Variants in MAPKBP1 observed in about 807,000 individuals in gnomAD.
MAPKBP1 encodes the protein mitogen-activated protein kinase binding protein 1.
Under a neutral mutation model 170.5 loss-of-function variants are expected in MAPKBP1, and 71 were observed. That is an observed-to-expected ratio of 0.42 (90% CI 0.34 to 0.51). The LOEUF (loss-of-function observed/expected upper bound fraction) is 0.51. Among genes scored for constraint, MAPKBP1 ranks in the 20% least tolerant of loss-of-function variants. MAPKBP1 has a pLI of 0.06. For synonymous variants in MAPKBP1, 719 were observed against 757.9 expected (o/e 0.95, Z 0.84); for missense variants, 1,598 against 1,933.0 (o/e 0.83, Z 3.25).
chr15:41,798,576 C>T lies in MAPKBP1; in HGVS notation c.115-1247C>T, dbSNP rs529113247. 3.9e-5 allele frequency among the ~76,000 whole-genome samples: 6 copies of T among 152,154 alleles called. No homozygotes were observed. In the South Asian group the frequency reaches 1.2e-3, roughly 32 times the overall value. The stretch of plus-strand genomic sequence containing the variant: ...GGGATTACAGGCGTGAGCAATTGTA[C>T]CTGGCCCCTCTAGGAGTACTTTTAA... On this transcript the variant is annotated intron_variant, in intron 2 of 30. Coordinates refer to ENST00000457542, the MANE Select transcript of MAPKBP1 (RefSeq NM_014994.3).
chr15:41,814,205 G>A (rs752656995), intron 9 of MAPKBP1, among the ~76,000 whole-genome samples: 1 of 152,192 alleles, frequency 6.6e-6, no homozygotes, highest in Non-Finnish European at 1.5e-5. Context: ...TGGGAAAGGC[G>A]GTGTTTGGTC....
At chr15:41,792,161 T>C (rs1567138071) in intron 2 of MAPKBP1, among the ~76,000 whole-genome samples, 1 of 151,024 alleles carries the variant, frequency 6.6e-6, no homozygotes, top group Non-Finnish European at 1.5e-5. Context: ...TTCCATCTAC[T>C]TTAATGAGAG....
chr15:41,781,391 G>GT lies in MAPKBP1; in HGVS notation c.114+6009dup, dbSNP rs1202872798. Reference sequence around the variant, plus strand: ...CCTATTTGGTAAAACAATGCTGTGGGTTTTTTTGTTTTTTTTTTTTTCTTG... The same window carrying GT: ...CCTATTTGGTAAAACAATGCTGTGGGTTTTTTTTGTTTTTTTTTTTTTCTTG... On this transcript the variant is annotated intron_variant, in intron 2 of 30. Coordinates refer to ENST00000457542, the MANE Select transcript of MAPKBP1 (RefSeq NM_014994.3). Among the ~76,000 whole-genome samples, 115 of 63,104 alleles carry GT rather than the reference G, an allele frequency of 1.8e-3. 2 individuals carry two copies. Among genetic ancestry groups the GT allele is most frequent in the South Asian group, 5.9e-3 (12 of 2,024 alleles). The allele number at this position is 63,104 out of a possible 152,430, so 41.4% of individuals were successfully genotyped here.
chr15:41,779,612 T>C (rs2064151396), intron 2 of MAPKBP1, among the ~76,000 whole-genome samples: 1 of 152,230 alleles, frequency 6.6e-6, no homozygotes, highest in Non-Finnish European at 1.5e-5. Flanking sequence ...CCCAAAGTGC[T>C]GGGATTACAG....
Position 41,782,151 on chromosome 15 carries a change from A to G in MAPKBP1, c.114+6762A>G, listed in dbSNP as rs373286615. Reference sequence around the variant, plus strand: ...GTGGCGGGCGCCTGTAGGCCCAGCTACTCGCGAGGCTGAGGCAGGAGAATG... The same window carrying G: ...GTGGCGGGCGCCTGTAGGCCCAGCTGCTCGCGAGGCTGAGGCAGGAGAATG... On this transcript the variant is annotated intron_variant, in intron 2 of 30. Coordinates refer to ENST00000457542, the MANE Select transcript of MAPKBP1 (RefSeq NM_014994.3). Among the ~76,000 whole-genome samples the G allele has an allele frequency of 1.5e-3, 222 of 150,228 alleles. 1 individual carries two copies. Among genetic ancestry groups the G allele is most frequent in the African/African-American group, 5.2e-3 (212 of 40,892 alleles).
chr15:41,797,701 C>T (rs981816736), intron 2 of MAPKBP1, among the ~76,000 whole-genome samples: 7 of 152,128 alleles, frequency 4.6e-5, no homozygotes, highest in Admixed American at 1.3e-4. Flanking sequence ...CAGATCGGCG[C>T]AAGGGTAATT....
In MAPKBP1 at chr15:41,790,498, G is replaced by T. The variant is rs545401076; in HGVS notation, c.115-9325G>T. ...TTGTTCCAGTCTTCTTGTCCCCAGG[G>T]GCTGTGGCTAGCGGCTTTGTCAGGT... On this transcript the variant is annotated intron_variant, in intron 2 of 30. Transcript: ENST00000457542. 2.0e-4 allele frequency among the ~76,000 whole-genome samples: 31 copies of T among 152,274 alleles called. 1 individual carries two copies. In the South Asian group the frequency reaches 6.4e-3, roughly 32 times the overall value.
intron 6 of MAPKBP1, 136 bp from the exon 7 acceptor site, chr15:41,812,380 C>G: frequency 7.6e-7 from 1 of 1,313,160 alleles, no homozygotes; most frequent in South Asian, 1.2e-5. Context: ...TTCCCTACCC[C>G]TCTTTTTCTG....
chr15:41,810,445 G>C (rs1017543800), intron 3 of MAPKBP1, among the ~76,000 whole-genome samples: 1 of 151,734 alleles, frequency 6.6e-6, no homozygotes, highest in Non-Finnish European at 1.5e-5. Context: ...GGCTGGGCAC[G>C]GTGGCTTATG....
At position 41,826,540 on chromosome 15, in the gene MAPKBP1, AAG is replaced by A. The variant is rs1327483436; in HGVS notation, c.*1105_*1106del. On this transcript the variant is annotated 3_prime_UTR_variant, in exon 31 of 31. Transcript: ENST00000457542. The stretch of plus-strand genomic sequence containing the variant: ...GTGGAACACCTATCAGGGAGCAGAA[AAG>A]GGGTGCAGTACACTAAGTGAACCCA... 1 of 151,858 alleles carries A rather than the reference AAG, an allele frequency of 6.6e-6. No homozygotes were observed. The highest frequency in any genetic ancestry group is 1.5e-5 in the Non-Finnish European group (1 of 67,992). The allele number at this position is 151,858 out of a possible 1,614,324, so 9.4% of individuals were successfully genotyped here.
At chr15:41,810,096 G>A (rs1042806618) in intron 3 of MAPKBP1, among the ~76,000 whole-genome samples, 2 of 152,188 alleles carry the variant, frequency 1.3e-5, no homozygotes, top group East Asian at 1.9e-4. Context: ...AGGTACACAC[G>A]TGGGTGCACA....
chr15:41,802,724 T>C (rs1292222911), intron 3 of MAPKBP1, among the ~76,000 whole-genome samples: 1 of 152,244 alleles, frequency 6.6e-6, no homozygotes, highest in African/African-American at 2.4e-5. Flanking sequence ...TCAGCCCTCC[T>C]TGGCCTCCCA....
At chr15:41,821,888 T>C (rs2065004086) in intron 24 of MAPKBP1, 77 bp from the exon 25 acceptor site, 6 of 1,573,958 alleles carry the variant, frequency 3.8e-6, no homozygotes, top group Non-Finnish European at 4.3e-6. Flanking sequence ...CTCACCCTGA[T>C]CACAGGCAGG....
intron 2 of MAPKBP1, among the ~76,000 whole-genome samples, chr15:41,795,170 A>C (rs2064465673): frequency 6.6e-6 from 1 of 151,694 alleles, no homozygotes; most frequent in Admixed American, 6.6e-5. Context: ...TCTCAAAAAA[A>C]AAAAAAAAAA....
chr15:41,792,819 ACT>A (rs2064417600), intron 2 of MAPKBP1, among the ~76,000 whole-genome samples: 2 of 151,922 alleles, frequency 1.3e-5, no homozygotes, highest in African/African-American at 4.8e-5. Flanking sequence ...CTCTTTCCTA[ACT>A]CACTTTCTTC....
Position 41,819,243 on chromosome 15 carries a change from C to T in MAPKBP1, c.2292-3C>T, listed in dbSNP as rs757323603. 1.2e-6 allele frequency: 2 copies of T among 1,613,592 alleles called. No homozygotes were observed. Among genetic ancestry groups the T allele is most frequent in the South Asian group, 2.2e-5 (2 of 91,062 alleles). ...CCCATGCCCTTCCTTGTCTCGGACT[C>T]AGGCACCAGGCCCCATCAATGCTGT... On this transcript the variant is annotated splice_region_variant and splice_polypyrimidine_tract_variant and intron_variant, in intron 20 of 30. Transcript: ENST00000457542.
chr15:41,786,777 A>AAAAAAAATAT, intron 2 of MAPKBP1, among the ~76,000 whole-genome samples: 10 of 32,470 alleles, frequency 3.1e-4, no homozygotes, highest in South Asian at 9.9e-4. Flanking sequence ...AAAAAAAAAA[A>AAAAAAAATAT]ATATATATAT....
chr15:41,778,914 C>A (rs539809888), intron 2 of MAPKBP1, among the ~76,000 whole-genome samples: 2 of 152,136 alleles, frequency 1.3e-5, no homozygotes, highest in Non-Finnish European at 2.9e-5. Context: ...GTATTGAGAT[C>A]GTCCTCCTCC....
chr15:41,818,681 G>A lies in MAPKBP1; in HGVS notation c.2156+99G>A. On this transcript the variant is annotated intron_variant, in intron 19 of 30. Transcript: ENST00000457542. The surrounding 1 kb of genome is among the most constrained non-coding windows in gnomAD (Gnocchi z 5.2). The stretch of plus-strand genomic sequence containing the variant: ...TTCAGTGATGTCTCTGGGAAGTGGG[G>A]TTAACAGGGATAGCTTTTGGCTGTG... The A allele has an allele frequency of 6.6e-7, 1 of 1,504,186 alleles. No homozygotes were observed. Among genetic ancestry groups the A allele is most frequent in the Non-Finnish European group, 9.1e-7 (1 of 1,102,186 alleles). 93.2% of individuals were successfully genotyped at this position (1,504,186 alleles called of 1,614,324 possible). A position where few individuals can be genotyped will look rare whatever the true frequency, so the allele number is the denominator to read the frequency against.
Sources: gnomAD v4.1 joint callset for allele counts (sites outside exome capture counted in the v4.1 genomes callset) on GRCh38, gnomAD v4.1.1 for gene constraint, Gnocchi (gnomAD v3.1) non-coding constraint, MANE v1.5 for transcripts, NCBI Gene and HGNC (gene_info 2026-07-23, HGNC 2026-07-21) for gene names.